CKAP2L: variants seen among roughly 807,000 people sequenced by gnomAD.
CKAP2L encodes cytoskeleton-associated protein 2-like.
CKAP2L carries 42 observed loss-of-function variants against 65.7 expected under a neutral mutation model. The ratio of observed to expected loss-of-function variants is 0.64; its 90% CI spans 0.50 to 0.83. The LOEUF (loss-of-function observed/expected upper bound fraction) is 0.83, where lower values mean the gene tolerates loss of function less well. CKAP2L is among the 40% of genes least tolerant of loss of function. CKAP2L has a pLI of 0.00. For synonymous variants in CKAP2L, 325 were observed against 313.5 expected, an observed-to-expected ratio of 1.04 and a Z score of -0.39; for missense variants, 908 against 871.0, an observed-to-expected ratio of 1.04 and a Z score of -0.53.
At chr2:112,764,181 G>C (rs538090746) in intron 1 of CKAP2L, 65 of 280,522 alleles carry the variant, frequency 2.3e-4, no homozygotes, top group African/African-American at 1.3e-3. Flanking sequence ...TCCTGGCACA[G>C]AGGACCACGC....
intron 5 of CKAP2L, among the ~76,000 whole-genome samples, chr2:112,749,728 G>A (rs1236267627): frequency 6.6e-6 from 1 of 152,190 alleles, no homozygotes; most frequent in South Asian, 2.1e-4. Context: ...GACAAGATAT[G>A]TCAGTTATGA....
At chr2:112,747,739 T>C (rs992437051) in intron 5 of CKAP2L, among the ~76,000 whole-genome samples, 11 of 152,128 alleles carry the variant, frequency 7.2e-5, no homozygotes, top group African/African-American at 2.2e-4. Context: ...AAGTTCACAA[T>C]TGAGAATCAC....
In CKAP2L at chr2:112,757,213, G is replaced by C; in HGVS notation, c.158C>G (p.Thr53Ser). ...GGTAACATCATTTTTGGGTCTAATA[G>C]TCTGAAAAAACAAAGAAAATACATA... ...NCQNQPPSKSTIRPKNDVTNH... is the reference protein window; with the variant it reads ...NCQNQPPSKSSIRPKNDVTNH... The change falls in exon 4 of 9, where the codon ACT becomes AGT. Residue 53 changes from threonine to serine, a missense_variant and splice_region_variant. Thr to Ser is a moderately conservative substitution (Grantham distance 58). Coordinates refer to ENST00000302450, the MANE Select transcript of CKAP2L (RefSeq NM_152515.5). The C allele has an allele frequency of 6.4e-7, 1 of 1,569,282 alleles. No homozygotes were observed. The highest frequency in any genetic ancestry group is 8.6e-7 in the Non-Finnish European group (1 of 1,159,604).
rs1199777923 is a variant in CKAP2L, at chr2:112,736,518, T to C, written c.*2305A>G. ...CTACTTATTTAACAAAAATCCCTAA[T>C]ACAATTGTATTAACTTTAGCCCTAT... On this transcript the variant is annotated 3_prime_UTR_variant, in exon 9 of 9. Transcript: ENST00000302450. 1 of 152,226 alleles carries C rather than the reference T, an allele frequency of 6.6e-6. No homozygotes were observed. The highest frequency in any genetic ancestry group is 1.5e-5 in the Non-Finnish European group (1 of 68,036). 9.4% of individuals were successfully genotyped at this position (152,226 alleles called of 1,614,324 possible).
At chr2:112,741,194 T>C (rs1253212054) in intron 7 of CKAP2L, among the ~76,000 whole-genome samples, 187 bp from the exon 8 acceptor site, 1 of 152,192 alleles carries the variant, frequency 6.6e-6, no homozygotes, top group East Asian at 1.9e-4. Context: ...TCTGTAGCAG[T>C]GTCTTGCTAC....
chr2:112,741,216 C>G (rs1415273791), intron 7 of CKAP2L, among the ~76,000 whole-genome samples: 1 of 152,106 alleles, frequency 6.6e-6, no homozygotes, highest in African/African-American at 2.4e-5. Context: ...TCAGGCTACC[C>G]TCGTAGCCAG....
Position 112,737,991 on chromosome 2 carries a change from C to A in CKAP2L, c.*832G>T, listed in dbSNP as rs375252836. ...ATTTACATAATGACTAAGGTAAAAC[C>A]TTTCCACAAATAGTTGCCCAGGAGG... is the stretch of plus-strand genomic sequence containing the variant. On this transcript the variant is annotated 3_prime_UTR_variant, in exon 9 of 9. Transcript: ENST00000302450. 3.3e-5 allele frequency: 5 copies of A among 152,036 alleles called. No individual in the cohort carries two copies. The highest frequency in any genetic ancestry group is 9.7e-5 in the African/African-American group (4 of 41,382). 9.4% of individuals were successfully genotyped at this position (152,036 alleles called of 1,614,324 possible).
At chr2:112,742,972 GCACACT>G (rs1372884989) in intron 6 of CKAP2L, 1 of 546,416 alleles carries the variant, frequency 1.8e-6, no homozygotes, top group Non-Finnish European at 3.2e-6. Flanking sequence ...TTAAGTGTTG[GCACACT>G]CGACTTAATG....
rs1679571132 is a variant in CKAP2L, at chr2:112,738,685, C to A, written c.*138G>T. ...TGGGGAGAGAAAATTTGAGAGTAAGCCCAGTGAATTACTTAAGTCCTGAGC... is the reference window on the plus strand; with the variant it reads ...TGGGGAGAGAAAATTTGAGAGTAAGACCAGTGAATTACTTAAGTCCTGAGC... On this transcript the variant is annotated 3_prime_UTR_variant, in exon 9 of 9. Transcript: ENST00000302450. 2.1e-5 allele frequency: 13 copies of A among 630,552 alleles called. No individual in the cohort carries two copies. In the South Asian group the frequency reaches 2.6e-4, roughly 13 times the overall value. The allele number at this position is 630,552 out of a possible 1,614,324, so 39.1% of individuals were successfully genotyped here. A position where few individuals can be genotyped will look rare whatever the true frequency, so the allele number is the denominator to read the frequency against.
Position 112,756,830 on chromosome 2 carries a change from T to C in CKAP2L, c.541A>G (p.Lys181Glu). 6.2e-7 allele frequency: 1 copy of C among 1,602,064 alleles called. No individual in the cohort carries two copies. The highest frequency in any genetic ancestry group is 8.5e-7 in the Non-Finnish European group (1 of 1,176,640). ...VENESLDNFL[K>E]ETNKENLLDI... ...AGCAAGTTCTCTTTGTTTGTTTCTT[T>C]TAGAAAGTTATCCAAAGATTCGTTT... The change falls in exon 4 of 9, where the codon AAA (lysine) becomes GAA (glutamate). Residue 181 changes from lysine to glutamate, a missense_variant. Lys to Glu is a moderately conservative substitution (Grantham distance 56). Transcript: ENST00000302450.
At chr2:112,749,332 A>G (rs1447768004) in intron 5 of CKAP2L, among the ~76,000 whole-genome samples, 3 of 152,352 alleles carry the variant, frequency 2.0e-5, no homozygotes, top group East Asian at 1.9e-4. Flanking sequence ...ACCTAACAAC[A>G]TAACTTTAAA....
At chr2:112,746,171 A>G (rs1163752075) in intron 6 of CKAP2L, among the ~76,000 whole-genome samples, 1 of 152,218 alleles carries the variant, frequency 6.6e-6, no homozygotes, top group East Asian at 1.9e-4. Context: ...TTTTGTAAAT[A>G]ATAATTATAT....
chr2:112,755,457 C>T (rs1384929075), intron 4 of CKAP2L, among the ~76,000 whole-genome samples: 4 of 152,080 alleles, frequency 2.6e-5, no homozygotes, highest in Non-Finnish European at 4.4e-5. Context: ...TTGATTTCTA[C>T]CATCTGAACT....
chr2:112,745,167 TC>T (rs755312745), intron 6 of CKAP2L, among the ~76,000 whole-genome samples: 49 of 152,184 alleles, frequency 3.2e-4, no homozygotes, highest in Non-Finnish European at 6.2e-4. Flanking sequence ...AGGAGAAAGC[TC>T]TTTATCTAAG....
At chr2:112,743,836 G>A (rs1680110615) in intron 6 of CKAP2L, among the ~76,000 whole-genome samples, 1 of 152,026 alleles carries the variant, frequency 6.6e-6, no homozygotes, top group Non-Finnish European at 1.5e-5. Context: ...AACCTTCATG[G>A]AAAAGTAATT....
At chr2:112,754,210 C>T (rs1007869393) in intron 4 of CKAP2L, among the ~76,000 whole-genome samples, 3 of 152,210 alleles carry the variant, frequency 2.0e-5, no homozygotes, top group Non-Finnish European at 4.4e-5. Context: ...CTAACGCCCC[C>T]CTCCTGGCAA....
rs1171182899 is a variant in CKAP2L, at chr2:112,736,642, TGA to T, written c.*2179_*2180del. On this transcript the variant is annotated 3_prime_UTR_variant, in exon 9 of 9. Coordinates refer to ENST00000302450, the MANE Select transcript of CKAP2L (RefSeq NM_152515.5). Reference sequence around the variant, plus strand: ...GTGGTAAGCACTTTCTCTGTGTACTTGAGCTCTTTCTTAAAAAATTAAATATT... The same window carrying T: ...GTGGTAAGCACTTTCTCTGTGTACTTGCTCTTTCTTAAAAAATTAAATATT... 5 of 152,224 alleles carry T rather than the reference TGA, an allele frequency of 3.3e-5. No individual in the cohort carries two copies. The highest frequency in any genetic ancestry group is 1.2e-4 in the African/African-American group (5 of 41,450). The allele number at this position is 152,224 out of a possible 1,614,324, so 9.4% of individuals were successfully genotyped here. A position where few individuals can be genotyped will look rare whatever the true frequency, so the allele number is the denominator to read the frequency against.
chr2:112,742,554 C>T lies in CKAP2L; in HGVS notation c.1822+152G>A, dbSNP rs576632135. The T allele has an allele frequency of 3.1e-5, 22 of 708,656 alleles. No individual in the cohort carries two copies. In the East Asian group the frequency reaches 5.9e-4, roughly 19 times the overall value. The allele number at this position is 708,656 out of a possible 1,614,324, so 43.9% of individuals were successfully genotyped here. On this transcript the variant is annotated intron_variant, in intron 7 of 8. Coordinates refer to ENST00000302450, the MANE Select transcript of CKAP2L (RefSeq NM_152515.5). ...ACTTGTAATAATACAAATAAGTCAG[C>T]TGATGACAATGGCTGAAAGGGCCAG...
intron 3 of CKAP2L, among the ~76,000 whole-genome samples, chr2:112,759,370 A>G (rs1246794851): frequency 6.6e-6 from 1 of 152,216 alleles, no homozygotes; most frequent in Non-Finnish European, 1.5e-5. Flanking sequence ...AGTGTTATAT[A>G]AATTGTCAAG....
Sources: allele counts gnomAD v4.1 joint callset (sites outside exome capture counted in the v4.1 genomes callset), GRCh38; gene constraint gnomAD v4.1.1; transcripts MANE v1.5; gene names NCBI Gene and HGNC (gene_info 2026-07-23, HGNC 2026-07-21).